Variants in ROBO1 observed in about 807,000 individuals in gnomAD.
ROBO1 encodes the protein roundabout guidance receptor 1.
A neutral mutation model predicts 195.9 loss-of-function variants in ROBO1; 149 were observed. The ratio of observed to expected loss-of-function variants is 0.76; its 90% CI spans 0.67 to 0.87. The LOEUF (loss-of-function observed/expected upper bound fraction) is 0.87. Ranked by LOEUF, ROBO1 falls within the 40% of genes least tolerant of loss-of-function variation. ROBO1 has a pLI of 0.00. For missense variants in ROBO1, 1,933 were observed against 2,068.3 expected (o/e 0.93, Z 1.27); for synonymous variants, 816 against 733.2 (o/e 1.11, Z -1.82).
intron 2 of ROBO1, among the ~76,000 whole-genome samples, chr3:79,137,092 G>T (rs531888408): frequency 1.3e-5 from 2 of 151,962 alleles, no homozygotes; most frequent in Non-Finnish European, 2.9e-5. Context: ...GTTTCTTTAC[G>T]TTTCTTTCAA....
At position 79,605,502 on chromosome 3, in the gene ROBO1, TA is replaced by T. The variant is rs549559177; in HGVS notation, c.-50-15542del. Among the ~76,000 whole-genome samples, 233 of 152,088 alleles carry T rather than the reference TA, an allele frequency of 1.5e-3. 1 individual carries two copies. Among genetic ancestry groups the T allele is most frequent in the Admixed American group, 2.9e-3 (44 of 15,246 alleles). ...ACATATTCAAACTTGAACTCTTGAT[TA>T]AATCTTTCCCTTCATCTCTCATTTA... On this transcript the variant is annotated intron_variant, in intron 1 of 30. Coordinates refer to ENST00000464233, the MANE Select transcript of ROBO1 (RefSeq NM_002941.4).
chr3:79,270,233 C>T (rs893710380), intron 2 of ROBO1, among the ~76,000 whole-genome samples: 1 of 151,154 alleles, frequency 6.6e-6, no homozygotes, highest in Non-Finnish European at 1.5e-5. Flanking sequence ...CATACACACA[C>T]ATACACAGAG....
chr3:79,718,613 G>C (rs923203452), intron 1 of ROBO1, among the ~76,000 whole-genome samples: 4 of 151,710 alleles, frequency 2.6e-5, no homozygotes, highest in Admixed American at 2.6e-4. Flanking sequence ...CTGTGTTTAA[G>C]GAATAAAAGA....
chr3:79,763,227 T>C (rs1704806066), intron 1 of ROBO1, among the ~76,000 whole-genome samples: 1 of 151,218 alleles, frequency 6.6e-6, no homozygotes, highest in Non-Finnish European at 1.5e-5. Context: ...TATCACAACA[T>C]CTGGGTGACT....
chr3:79,029,938 C>G (rs2108299140), intron 3 of ROBO1, among the ~76,000 whole-genome samples: 1 of 152,268 alleles, frequency 6.6e-6, no homozygotes, highest in East Asian at 1.9e-4. Flanking sequence ...GAAGTAATGA[C>G]TTGCTTACCA....
chr3:79,435,212 T>TA (rs1292256290), intron 2 of ROBO1, among the ~76,000 whole-genome samples: 6 of 152,080 alleles, frequency 3.9e-5, no homozygotes, highest in Non-Finnish European at 7.4e-5. Context: ...TAAAGTATAA[T>TA]AAAAAATAAA....
intron 5 of ROBO1, among the ~76,000 whole-genome samples, chr3:78,719,984 T>G (rs903683373): frequency 6.6e-6 from 1 of 152,198 alleles, no homozygotes; most frequent in Non-Finnish European, 1.5e-5. Flanking sequence ...ATTTTTGTCT[T>G]TATCATAACC....
intron 2 of ROBO1, among the ~76,000 whole-genome samples, chr3:79,519,089 G>A (rs557357444): frequency 3.3e-5 from 5 of 151,986 alleles, no homozygotes; most frequent in Non-Finnish European, 7.4e-5. Context: ...AATGCTTCTC[G>A]TTCCAGAACC....
At chr3:78,907,678 A>G (rs1051224638) in intron 4 of ROBO1, among the ~76,000 whole-genome samples, 1 of 152,022 alleles carries the variant, frequency 6.6e-6, no homozygotes, top group Non-Finnish European at 1.5e-5. Context: ...TCATTTTCTA[A>G]TTTTCATTCC....
intron 3 of ROBO1, among the ~76,000 whole-genome samples, chr3:78,980,738 T>G (rs891328184): frequency 6.6e-5 from 10 of 152,284 alleles, no homozygotes; most frequent in African/African-American, 2.4e-4. Flanking sequence ...TTTTCCCCCT[T>G]GCTTTGGTAT....
At chr3:79,252,656 C>CATTT (rs1211260917) in intron 2 of ROBO1, among the ~76,000 whole-genome samples, 1 of 152,038 alleles carries the variant, frequency 6.6e-6, no homozygotes, top group Non-Finnish European at 1.5e-5. Flanking sequence ...TAGCAGCCAG[C>CATTT]ATTTATTCAG....
rs193194296 is a variant in ROBO1 at position 79,199,474 on chromosome 3, G to A, written c.89-73935C>T. On this transcript the variant is annotated intron_variant, in intron 2 of 30. Coordinates refer to ENST00000464233, the MANE Select transcript of ROBO1 (RefSeq NM_002941.4). The stretch of plus-strand genomic sequence containing the variant: ...GGCTCCAACTGGAATTTTACAAATT[G>A]TCTCTCATTCAGGTAGGTGTATTAA... 7.9e-5 allele frequency among the ~76,000 whole-genome samples: 12 copies of A among 151,824 alleles called. No individual in the cohort carries two copies. In the East Asian group the frequency reaches 2.1e-3, roughly 27 times the overall value.
chr3:79,193,725 A>G (rs373791879), intron 2 of ROBO1, among the ~76,000 whole-genome samples: 2 of 151,454 alleles, frequency 1.3e-5, no homozygotes, highest in South Asian at 4.2e-4. Flanking sequence ...ATGATAATTA[A>G]TGTGGACTTG....
At chr3:79,154,656 G>A (rs2080828505) in intron 2 of ROBO1, among the ~76,000 whole-genome samples, 1 of 151,426 alleles carries the variant, frequency 6.6e-6, no homozygotes, top group Non-Finnish European at 1.5e-5. Flanking sequence ...TTTTCCACAG[G>A]CACTTTTATT....
chr3:78,882,166 G>A (rs2036220360), intron 4 of ROBO1, among the ~76,000 whole-genome samples: 1 of 151,984 alleles, frequency 6.6e-6, no homozygotes, highest in African/African-American at 2.4e-5. Flanking sequence ...TTTAAAAATA[G>A]TAGAGATACA....
chr3:79,426,113 T>G (rs1017401115), intron 2 of ROBO1, among the ~76,000 whole-genome samples: 1 of 152,110 alleles, frequency 6.6e-6, no homozygotes, highest in East Asian at 1.9e-4. Context: ...GATACACGTG[T>G]GTTACATAAG....
intron 4 of ROBO1, among the ~76,000 whole-genome samples, chr3:78,885,963 GTAAT>G (rs2036545499): frequency 8.2e-6 from 1 of 122,518 alleles, no homozygotes; most frequent in Middle Eastern, 5.2e-3. Context: ...ATTTTTTTAA[GTAAT>G]TAAAGATTCA....
Position 78,818,274 on chromosome 3 carries a change from G to C in ROBO1, c.500-71374C>G, listed in dbSNP as rs1212581011. On this transcript the variant is annotated intron_variant, in intron 4 of 30. Transcript: ENST00000464233. ...CATCTCAGCTGGCATTTAGGTTGCC[G>C]CTGGTACTGTGGGGATTGTGAGGCC... 3.3e-5 allele frequency among the ~76,000 whole-genome samples: 5 copies of C among 152,282 alleles called. No homozygotes were observed. The East Asian group carries it at 9.7e-4, about 29-fold the overall frequency.
At chr3:79,400,990 G>T (rs968994915) in intron 2 of ROBO1, among the ~76,000 whole-genome samples, 1 of 151,610 alleles carries the variant, frequency 6.6e-6, no homozygotes, top group African/African-American at 2.4e-5. Context: ...TATTGACTTT[G>T]CAAAGCATAT....
Sources: gnomAD v4.1 joint callset for allele counts (sites outside exome capture counted in the v4.1 genomes callset) on GRCh38, gnomAD v4.1.1 for gene constraint, MANE v1.5 for transcripts, NCBI Gene and HGNC (gene_info 2026-07-23, HGNC 2026-07-21) for gene names.